Variants in DNAAF9 observed in about 807,000 individuals in gnomAD.
DNAAF9 encodes dynein axonemal assembly factor 9.
In DNAAF9, 90 loss-of-function variants were observed where a neutral mutation model predicts 167.0. The observed-to-expected ratio is 0.54, with a 90% CI of 0.45 to 0.64. The LOEUF is 0.64. DNAAF9 is among the 30% of genes least tolerant of loss of function. The pLI, the probability that DNAAF9 is intolerant of heterozygous loss-of-function variation, is 0.00. For missense variants in DNAAF9, 1,315 were observed against 1,442.2 expected, an observed-to-expected ratio of 0.91 and a Z score of 1.43; for synonymous variants, 491 against 508.8, an observed-to-expected ratio of 0.96 and a Z score of 0.47.
rs373677290 is a variant in DNAAF9, at chr20:3,251,541, CT to C, written c.*1030del. On this transcript the variant is annotated 3_prime_UTR_variant, in exon 37 of 37. Transcript: ENST00000252032. ...TAAAACGATGCCATTAGAAGGAATT[CT>C]AACTCAGGTATTGCAATTATTTGAA... The C allele has an allele frequency of 1.3e-4, 20 of 152,338 alleles. No homozygotes were observed. The highest frequency in any genetic ancestry group is 4.8e-4 in the African/African-American group (20 of 41,552). The allele number at this position is 152,338 out of a possible 1,614,324, so 9.4% of individuals were successfully genotyped here.
intron 21 of DNAAF9, among the ~76,000 whole-genome samples, 175 bp from the exon 22 acceptor site, chr20:3,298,350 T>C (rs2069120333): frequency 6.6e-6 from 1 of 150,452 alleles, no homozygotes; most frequent in Non-Finnish European, 1.5e-5. Context: ...AATAAAAGGA[T>C]TTTTTTTTTG....
intron 10 of DNAAF9, among the ~76,000 whole-genome samples, chr20:3,336,551 T>C (rs1357167576): frequency 6.6e-6 from 1 of 151,974 alleles, no homozygotes; most frequent in Non-Finnish European, 1.5e-5. Context: ...TTGACTACTG[T>C]TATTTATTTA....
At chr20:3,312,471 C>T (rs545721105) in intron 20 of DNAAF9, among the ~76,000 whole-genome samples, 2 of 151,842 alleles carry the variant, frequency 1.3e-5, no homozygotes, top group South Asian at 2.1e-4. Context: ...CAACATCAGG[C>T]GAGTTTTCAC....
At chr20:3,258,176 T>C (rs376064538) in intron 33 of DNAAF9, among the ~76,000 whole-genome samples, 2 of 149,268 alleles carry the variant, frequency 1.3e-5, no homozygotes, top group African/African-American at 4.9e-5. Flanking sequence ...AAAAAAGAAA[T>C]AAAAAAAAAG....
At chr20:3,306,077 C>T (rs1195266667) in intron 20 of DNAAF9, among the ~76,000 whole-genome samples, 2 of 152,166 alleles carry the variant, frequency 1.3e-5, no homozygotes, top group African/African-American at 4.8e-5. Flanking sequence ...ACACCTACTG[C>T]CCTCCTGACC....
intron 4 of DNAAF9, 64 bp from the exon 5 acceptor site, chr20:3,375,190 C>A (rs2083559489): frequency 9.7e-7 from 1 of 1,035,414 alleles, no homozygotes. Flanking sequence ...CCCATATTTT[C>A]TCTGCATTTT....
intron 29 of DNAAF9, among the ~76,000 whole-genome samples, chr20:3,276,548 C>A (rs2236089): frequency 0.19 from 29,353 of 152,224 alleles, 3,072 homozygotes; most frequent in African/African-American, 0.24. Context: ...AGGGTTCAGA[C>A]TAAAAGGGGC....
rs1218226641 is a variant in DNAAF9 at position 3,287,655 on chromosome 20, G to T, written c.2463C>A (p.Thr821=). Residue 821 remains threonine, a synonymous_variant, in exon 27 of 37, where the codon ACC becomes ACA. Transcript: ENST00000252032. ...ACCCTTGTAACACCACCAGCAGTCTGGTCTTCTTGCGGATGTAGGCTGACT... is the reference window on the plus strand; with the variant it reads ...ACCCTTGTAACACCACCAGCAGTCTTGTCTTCTTGCGGATGTAGGCTGACT... ...ARQSAYIRKK[T]RLLVVLQGYT... is the part of the protein sequence containing the mutation. The T allele has an allele frequency of 6.2e-7, 1 of 1,614,106 alleles. No homozygotes were observed. The highest frequency in any genetic ancestry group is 1.3e-5 in the African/African-American group (1 of 74,948).
At chr20:3,379,791 T>C (rs566424415) in intron 3 of DNAAF9, among the ~76,000 whole-genome samples, 85 of 152,290 alleles carry the variant, frequency 5.6e-4, no homozygotes, top group East Asian at 2.1e-3. Context: ...CCAGGCGTGG[T>C]GGCTCACAGC....
At chr20:3,276,287 C>A (rs1375707883) in intron 29 of DNAAF9, among the ~76,000 whole-genome samples, 1 of 152,204 alleles carries the variant, frequency 6.6e-6, no homozygotes, top group Non-Finnish European at 1.5e-5. Context: ...ATGCCCATGG[C>A]AAGCCTGGTC....
chr20:3,343,983 G>T (rs1416055924), intron 8 of DNAAF9, among the ~76,000 whole-genome samples: 1 of 151,520 alleles, frequency 6.6e-6, no homozygotes, highest in African/African-American at 2.4e-5. Flanking sequence ...GGAATAAGTG[G>T]CAAACAAAAT....
chr20:3,348,430 G>A lies in DNAAF9; in HGVS notation c.789+95C>T, dbSNP rs531269681. 1.9e-5 allele frequency: 11 copies of A among 594,062 alleles called. No individual in the cohort carries two copies. In the East Asian group the frequency reaches 2.1e-4, roughly 11 times the overall value. 36.8% of individuals were successfully genotyped at this position (594,062 alleles called of 1,614,324 possible). On this transcript the variant is annotated intron_variant, in intron 8 of 36. Transcript: ENST00000252032. ...CTTAAAGAAATGACAAATTAGAATT[G>A]ATAGTGTTGTATTTTGAAAAAAATT...
At chr20:3,332,225 TGG>T (rs1038766656) in intron 11 of DNAAF9, 53 bp downstream of exon 11, 2 of 933,334 alleles carry the variant, frequency 2.1e-6, no homozygotes, top group African/African-American at 3.3e-5. Flanking sequence ...TTCTAGTTCA[TGG>T]GACAGACTAT....
chr20:3,295,741 T>G, intron 23 of DNAAF9: 1 of 646,868 alleles, frequency 1.5e-6, no homozygotes, highest in Non-Finnish European at 3.0e-6. Context: ...GTGATGTAGT[T>G]GTCCACTTTA....
chr20:3,321,168 G>A (rs2069609098), intron 16 of DNAAF9, among the ~76,000 whole-genome samples: 2 of 152,168 alleles, frequency 1.3e-5, no homozygotes, highest in Admixed American at 6.5e-5. Flanking sequence ...GCAGACCCAG[G>A]TCCCTGTTGA....
intron 31 of DNAAF9, among the ~76,000 whole-genome samples, chr20:3,260,503 C>T (rs965357898): frequency 6.6e-6 from 1 of 152,142 alleles, no homozygotes; most frequent in Non-Finnish European, 1.5e-5. Context: ...AAGGTTTTAC[C>T]TAACCTTAGA....
At chr20:3,278,564 C>G (rs1291305296) in intron 29 of DNAAF9, among the ~76,000 whole-genome samples, 1 of 152,066 alleles carries the variant, frequency 6.6e-6, no homozygotes, top group Non-Finnish European at 1.5e-5. Context: ...ACTAAAAATA[C>G]AAAAATTAGC....
intron 28 of DNAAF9, 77 bp from the exon 29 acceptor site, chr20:3,279,026 G>GCTC: frequency 9.6e-7 from 1 of 1,038,518 alleles, no homozygotes; most frequent in Non-Finnish European, 1.5e-6. Flanking sequence ...ATACAAATAG[G>GCTC]AGTACCACTG....
At position 3,340,609 on chromosome 20, in the gene DNAAF9, A is replaced by T; in HGVS notation, c.876T>A (p.Gly292=). Residue 292 remains glycine, a synonymous_variant, in exon 10 of 37, where the codon GGT becomes GGA. Coordinates refer to ENST00000252032, the MANE Select transcript of DNAAF9 (RefSeq NM_001009984.3). ...TCAGGTTTTCTCGTGTGGAGTGATT[A>T]CCAAAGAGAACAAATGGCTGCCGGT... ...SPNRQPFVLF[G]NHSTRENLNA... 1 of 1,613,946 alleles carries T rather than the reference A, an allele frequency of 6.2e-7. No homozygotes were observed. Among genetic ancestry groups the T allele is most frequent in the Non-Finnish European group, 8.5e-7 (1 of 1,179,830 alleles).
Sources: gnomAD v4.1 joint callset for allele counts (sites outside exome capture counted in the v4.1 genomes callset) on GRCh38, gnomAD v4.1.1 for gene constraint, MANE v1.5 for transcripts, NCBI Gene and HGNC (gene_info 2026-07-23, HGNC 2026-07-21) for gene names.